LRMDA: variants seen among roughly 807,000 people sequenced by gnomAD.
The protein encoded by LRMDA is leucine-rich melanocyte differentiation-associated protein.
A neutral mutation model predicts 29.8 loss-of-function variants in LRMDA; 18 were observed. That is an observed-to-expected ratio of 0.60 (90% CI 0.42 to 0.90). The LOEUF (loss-of-function observed/expected upper bound fraction) is 0.90. Among genes scored for constraint, LRMDA ranks in the 40% least tolerant of loss-of-function variants. The pLI is 0.00. For synonymous variants in LRMDA, 125 were observed against 109.4 expected (o/e 1.14, Z -0.89); for missense variants, 273 against 273.9 (o/e 1.00, Z 0.02).
chr10:76,120,477 C>G (rs1323887071), intron 5 of LRMDA, among the ~76,000 whole-genome samples: 2 of 152,106 alleles, frequency 1.3e-5, no homozygotes, highest in Admixed American at 1.3e-4. Context: ...CGTGAGTCAC[C>G]ATGCCTGGCC....
chr10:75,926,627 A>T lies in LRMDA; in HGVS notation c.132-109381A>T, dbSNP rs534227508. Among the ~76,000 whole-genome samples, 8 of 152,300 alleles carry T rather than the reference A, an allele frequency of 5.3e-5. No homozygotes were observed. In the South Asian group the frequency reaches 1.5e-3, roughly 28 times the overall value. ...GGTCTTCACCTGGGTGTTTATGGGC[A>T]TGTTTGGCAGTTTGGGATTGCTCCC... On this transcript the variant is annotated intron_variant, in intron 2 of 6. Transcript: ENST00000611255.
At chr10:76,157,919 T>C (rs545752100) in intron 5 of LRMDA, among the ~76,000 whole-genome samples, 1 of 152,284 alleles carries the variant, frequency 6.6e-6, no homozygotes, top group African/African-American at 2.4e-5. Flanking sequence ...CTGTACAGCA[T>C]GTTCCTGTAC....
At chr10:76,405,569 C>T (rs553918924) in intron 6 of LRMDA, among the ~76,000 whole-genome samples, 96 of 152,248 alleles carry the variant, frequency 6.3e-4, no homozygotes, top group African/African-American at 2.3e-3. Flanking sequence ...ATGTGATTGA[C>T]TGGTGGTATC....
chr10:75,521,282 T>G (rs746288265), intron 2 of LRMDA, among the ~76,000 whole-genome samples: 1 of 152,236 alleles, frequency 6.6e-6, no homozygotes, highest in Non-Finnish European at 1.5e-5. Flanking sequence ...AAGTTTCTGC[T>G]GCCTTTTGTT....
chr10:75,851,968 G>A (rs569001181), intron 2 of LRMDA, among the ~76,000 whole-genome samples: 2 of 152,336 alleles, frequency 1.3e-5, no homozygotes, highest in African/African-American at 4.8e-5. Context: ...TGTAGCCTTA[G>A]GAATGGCCTT....
At chr10:76,070,479 G>A (rs755517845) in intron 5 of LRMDA, among the ~76,000 whole-genome samples, 15 of 152,202 alleles carry the variant, frequency 9.9e-5, no homozygotes, top group Non-Finnish European at 1.2e-4. Context: ...AGTAAAGAAA[G>A]AGAAGGAGAT....
chr10:76,427,082 T>C (rs1339635380), intron 6 of LRMDA, among the ~76,000 whole-genome samples: 1 of 152,230 alleles, frequency 6.6e-6, no homozygotes, highest in Non-Finnish European at 1.5e-5. Flanking sequence ...GACTTGGCGA[T>C]GCGGACTCTT....
At chr10:75,866,320 A>T (rs1345464743) in intron 2 of LRMDA, among the ~76,000 whole-genome samples, 2 of 152,164 alleles carry the variant, frequency 1.3e-5, no homozygotes, top group African/African-American at 4.8e-5. Flanking sequence ...TTTGTGGGAG[A>T]TGGGCAACAC....
intron 2 of LRMDA, among the ~76,000 whole-genome samples, chr10:75,736,320 T>G (rs1442793097): frequency 6.6e-6 from 1 of 152,216 alleles, no homozygotes; most frequent in East Asian, 1.9e-4. Context: ...GCAGATAATT[T>G]TCAGTGCTCA....
At chr10:75,666,520 T>C (rs1055977236) in intron 2 of LRMDA, among the ~76,000 whole-genome samples, 2 of 152,182 alleles carry the variant, frequency 1.3e-5, no homozygotes, top group Non-Finnish European at 2.9e-5. Context: ...TTGTGATACA[T>C]TACTCCTTGT....
intron 2 of LRMDA, among the ~76,000 whole-genome samples, chr10:75,504,709 G>A (rs1299965408): frequency 6.6e-6 from 1 of 152,118 alleles, no homozygotes; most frequent in Non-Finnish European, 1.5e-5. Flanking sequence ...CCTTGTGGGA[G>A]GAGAAAGCAT....
At chr10:76,186,641 G>T (rs1851155211) in intron 5 of LRMDA, among the ~76,000 whole-genome samples, 2 of 152,164 alleles carry the variant, frequency 1.3e-5, no homozygotes. Flanking sequence ...CTGAACAGTA[G>T]CCAGAGAATA....
intron 6 of LRMDA, among the ~76,000 whole-genome samples, chr10:76,427,683 G>A (rs374452163): frequency 7.2e-5 from 11 of 152,216 alleles, no homozygotes; most frequent in East Asian, 1.9e-4. Context: ...TCTTGTGCCC[G>A]TTTTCAAAGG....
chr10:75,562,144 CATT>C (rs887716234), intron 2 of LRMDA, among the ~76,000 whole-genome samples: 1 of 151,984 alleles, frequency 6.6e-6, no homozygotes, highest in African/African-American at 2.4e-5. Flanking sequence ...TAAAGTCTCC[CATT>C]ATTATTGTGT....
chr10:75,745,105 T>C (rs1842874587), intron 2 of LRMDA, among the ~76,000 whole-genome samples: 1 of 152,202 alleles, frequency 6.6e-6, no homozygotes, highest in Non-Finnish European at 1.5e-5. Context: ...TCATGACGTC[T>C]CCCAAGCCCA....
intron 6 of LRMDA, among the ~76,000 whole-genome samples, chr10:76,328,976 C>T (rs2132404162): frequency 6.6e-6 from 1 of 152,326 alleles, no homozygotes; most frequent in Admixed American, 6.5e-5. Context: ...CAGGAGCTTG[C>T]TGGAAAGTTT....
chr10:75,865,038 T>C (rs1274333391), intron 2 of LRMDA, among the ~76,000 whole-genome samples: 1 of 152,210 alleles, frequency 6.6e-6, no homozygotes, highest in Non-Finnish European at 1.5e-5. Flanking sequence ...CCTCTTTCTT[T>C]TACCCTCTAC....
At chr10:75,689,683 C>T (rs910715307) in intron 2 of LRMDA, among the ~76,000 whole-genome samples, 1 of 152,302 alleles carries the variant, frequency 6.6e-6, no homozygotes, top group Non-Finnish European at 1.5e-5. Context: ...TAGCTGGGGG[C>T]AGGGGCTTTG....
At chr10:75,736,743 AT>A (rs535533135) in intron 2 of LRMDA, among the ~76,000 whole-genome samples, 4 of 152,136 alleles carry the variant, frequency 2.6e-5, no homozygotes, top group African/African-American at 9.7e-5. Flanking sequence ...CTATCTATAT[AT>A]TTTTTTATGG....
Sources: allele counts gnomAD v4.1 joint callset (sites outside exome capture counted in the v4.1 genomes callset), GRCh38; gene constraint gnomAD v4.1.1; transcripts MANE v1.5; gene names NCBI Gene and HGNC (gene_info 2026-07-23, HGNC 2026-07-21).